The following NCOA1 variants were observed in gnomAD, a reference collection of about 807,000 sequenced individuals.
NCOA1 encodes the protein Hin-2 protein.
A neutral mutation model predicts 150.9 loss-of-function variants in NCOA1; 35 were observed. That is an observed-to-expected ratio of 0.23 (90% CI 0.18 to 0.31). The LOEUF (loss-of-function observed/expected upper bound fraction) is 0.31. Ranked by LOEUF, NCOA1 falls within the 10% of genes least tolerant of loss-of-function variation. NCOA1 has a pLI of 1.00. For missense variants in NCOA1, 1,491 were observed against 1,749.3 expected (o/e 0.85, Z 2.63); for synonymous variants, 590 against 630.0 (o/e 0.94, Z 0.95).
intron 3 of NCOA1, among the ~76,000 whole-genome samples, chr2:24,602,139 G>C (rs1401070147): frequency 6.6e-6 from 1 of 152,132 alleles, no homozygotes; most frequent in South Asian, 2.1e-4. Flanking sequence ...ACTACAATTT[G>C]CTGACAAGTC....
intron 17 of NCOA1, among the ~76,000 whole-genome samples, chr2:24,738,444 G>T (rs1663435095): frequency 6.6e-6 from 1 of 152,104 alleles, no homozygotes; most frequent in African/African-American, 2.4e-5. Flanking sequence ...TCATTTCCAA[G>T]AATACTTCTT....
chr2:24,722,040 A>G (rs1480086856), intron 14 of NCOA1, among the ~76,000 whole-genome samples: 1 of 152,224 alleles, frequency 6.6e-6, no homozygotes, highest in Non-Finnish European at 1.5e-5. Context: ...TATATCTGCC[A>G]CATTGAACCA....
intron 11 of NCOA1, among the ~76,000 whole-genome samples, chr2:24,699,926 C>T (rs1200402827): frequency 1.3e-5 from 2 of 152,116 alleles, no homozygotes; most frequent in Non-Finnish European, 2.9e-5. Flanking sequence ...AGGTGGATCA[C>T]CTGAGGTCGG....
rs1489948168 is a variant in NCOA1 at position 24,693,331 on chromosome 2, C to T, written c.792C>T (p.Thr264=). 3.7e-6 allele frequency: 6 copies of T among 1,613,582 alleles called. No individual in the cohort carries two copies. Among genetic ancestry groups the T allele is most frequent in the Non-Finnish European group, 5.1e-6 (6 of 1,179,618 alleles). The stretch of plus-strand genomic sequence containing the variant: ...TTACGGGTGTAGAATCCTTTATGAC[C>T]AAGCAAGATACTACAGGTACTAATT... ...PAITGVESFM[T]KQDTTGKIIS... The change falls in exon 10 of 23, where the codon ACC becomes ACT. Residue 264 remains threonine (T), a synonymous_variant. Transcript: ENST00000348332.
intron 1 of NCOA1, among the ~76,000 whole-genome samples, chr2:24,504,315 A>G (rs887906534): frequency 2.6e-5 from 4 of 152,248 alleles, no homozygotes; most frequent in African/African-American, 9.6e-5. Flanking sequence ...CATCTAGAAC[A>G]TGAAGCCTCC....
At chr2:24,536,981 G>A (rs1665174030) in intron 1 of NCOA1, among the ~76,000 whole-genome samples, 1 of 152,036 alleles carries the variant, frequency 6.6e-6, no homozygotes, top group Admixed American at 6.6e-5. Flanking sequence ...GGGGAGGTTG[G>A]GAGAGGGGGC....
At chr2:24,530,721 T>A (rs1252719587) in intron 1 of NCOA1, among the ~76,000 whole-genome samples, 1 of 152,180 alleles carries the variant, frequency 6.6e-6, no homozygotes, top group Admixed American at 6.5e-5. Flanking sequence ...TAGACTTAGG[T>A]GTATAAGACC....
chr2:24,649,865 T>C (rs1230091199), intron 4 of NCOA1, among the ~76,000 whole-genome samples: 1 of 152,174 alleles, frequency 6.6e-6, no homozygotes, highest in African/African-American at 2.4e-5. Context: ...ACGTATTAAA[T>C]ATATTGTTTC....
intron 3 of NCOA1, among the ~76,000 whole-genome samples, chr2:24,625,463 T>C (rs565782124): frequency 6.6e-6 from 1 of 152,220 alleles, no homozygotes; most frequent in Non-Finnish European, 1.5e-5. Context: ...TTCAAGGAAC[T>C]AACTTTTGCT....
intron 3 of NCOA1, among the ~76,000 whole-genome samples, chr2:24,595,966 A>G (rs1667868278): frequency 6.6e-6 from 1 of 152,200 alleles, no homozygotes; most frequent in South Asian, 2.1e-4. Context: ...TGTCTTTGAC[A>G]GCATCTGTGT....
chr2:24,533,555 C>T (rs1322868845), intron 1 of NCOA1, among the ~76,000 whole-genome samples: 1 of 152,134 alleles, frequency 6.6e-6, no homozygotes, highest in African/African-American at 2.4e-5. Context: ...CCAGTTTTTG[C>T]CCATTCAGTA....
At chr2:24,692,335 T>A (rs955786579) in intron 9 of NCOA1, among the ~76,000 whole-genome samples, 1 of 152,226 alleles carries the variant, frequency 6.6e-6, no homozygotes, top group African/African-American at 2.4e-5. Flanking sequence ...AACAATCAAC[T>A]GGAGACTTTT....
chr2:24,695,848 C>T (rs1281695557), intron 10 of NCOA1, among the ~76,000 whole-genome samples: 1 of 152,090 alleles, frequency 6.6e-6, no homozygotes, highest in African/African-American at 2.4e-5. Flanking sequence ...TCTCTCCTGC[C>T]AGTCCCCAAA....
chr2:24,627,121 GTTTTTT>G (rs33949925), intron 3 of NCOA1, among the ~76,000 whole-genome samples: 1 of 115,162 alleles, frequency 8.7e-6, no homozygotes, highest in Non-Finnish European at 1.7e-5. Flanking sequence ...GTTTTTTGCT[GTTTTTT>G]TTTTTTTTTT....
rs556047482 is a variant in NCOA1 at position 24,600,732 on chromosome 2, C to T, written c.-175+16172C>T. Among the ~76,000 whole-genome samples, 5 of 152,274 alleles carry T rather than the reference C, an allele frequency of 3.3e-5. No homozygotes were observed. In the East Asian group the frequency reaches 9.6e-4, roughly 29 times the overall value. ...TTTCTTTCGGTGATAGTATTTATTC[C>T]TGTGCTTGTTTCTCAAGCCCTATTC... On this transcript the variant is annotated intron_variant, in intron 3 of 22. Coordinates refer to ENST00000348332, the MANE Select transcript of NCOA1 (RefSeq NM_003743.5).
chr2:24,719,749 C>T (rs938258438), intron 14 of NCOA1, among the ~76,000 whole-genome samples: 34 of 152,208 alleles, frequency 2.2e-4, no homozygotes, highest in African/African-American at 6.5e-4. Context: ...CATATTGAAC[C>T]GGGGGCCTGG....
At chr2:24,559,298 C>T (rs1401298380) in intron 1 of NCOA1, among the ~76,000 whole-genome samples, 1 of 152,060 alleles carries the variant, frequency 6.6e-6, no homozygotes, top group Non-Finnish European at 1.5e-5. Flanking sequence ...CCGTCATTAC[C>T]CTCTCAGTGC....
chr2:24,652,157 A>T (rs1468895571), intron 4 of NCOA1, among the ~76,000 whole-genome samples: 2 of 152,142 alleles, frequency 1.3e-5, no homozygotes, highest in Non-Finnish European at 2.9e-5. Context: ...GAATGGATAA[A>T]CAAAATATGG....
intron 15 of NCOA1, among the ~76,000 whole-genome samples, chr2:24,727,408 C>T (rs1396673703): frequency 6.6e-6 from 1 of 152,034 alleles, no homozygotes; most frequent in Non-Finnish European, 1.5e-5. Context: ...CATTTCTCTT[C>T]GTTTGGTGCA....
Sources: allele counts gnomAD v4.1 joint callset (sites outside exome capture counted in the v4.1 genomes callset), GRCh38; gene constraint gnomAD v4.1.1; transcripts MANE v1.5; gene names NCBI Gene and HGNC (gene_info 2026-07-23, HGNC 2026-07-21).